IGFL2: variants seen among roughly 807,000 people sequenced by gnomAD.
IGFL2 encodes insulin growth factor-like family member 2.
Under a neutral mutation model 13.9 loss-of-function variants are expected in IGFL2, and 7 were observed. The ratio of observed to expected loss-of-function variants is 0.51; its 90% CI spans 0.29 to 0.95. The LOEUF (loss-of-function observed/expected upper bound fraction) is 0.95, where lower values mean the gene tolerates loss of function less well. Among genes scored for constraint, IGFL2 ranks in the 40% least tolerant of loss-of-function variants. The pLI is 0.08. For synonymous variants in IGFL2, 55 were observed against 55.8 expected, an observed-to-expected ratio of 0.99 and a Z score of 0.07; for missense variants, 138 against 147.8, an observed-to-expected ratio of 0.93 and a Z score of 0.34.
chr19:46,160,689 A>G lies in IGFL2; in HGVS notation c.149A>G (p.Gln50Arg). 2 of 1,614,146 alleles carry G rather than the reference A, an allele frequency of 1.2e-6. No homozygotes were observed. Residue 50 changes from glutamine to arginine, a missense_variant, in exon 3 of 4, where the codon CAG becomes CGG. Physicochemically the swap from Gln to Arg is conservative, Grantham distance 43. Coordinates refer to ENST00000377693, the MANE Select transcript of IGFL2 (RefSeq NM_001135113.2). Reference sequence around the variant, plus strand: ...GACAAGATCTACAACCCCTTGGAGCAGTGCTGTTACAATGACGCCATCGTG... The same window carrying G: ...GACAAGATCTACAACCCCTTGGAGCGGTGCTGTTACAATGACGCCATCGTG... ...CGDKIYNPLEQCCYNDAIVSL... is the reference protein window; with the variant it reads ...CGDKIYNPLERCCYNDAIVSL...
upstream of IGFL2, among the ~76,000 whole-genome samples, chr19:46,144,890 T>G (rs1973037942): frequency 6.6e-6 from 1 of 152,188 alleles, no homozygotes; most frequent in Non-Finnish European, 1.5e-5. Flanking sequence ...ATGTAATTGT[T>G]GAGACCAACT....
chr19:46,200,482 T>TTCTTTTCTTTTCTTC, the IGFL2 span, among the ~76,000 whole-genome samples: 1 of 143,406 alleles, frequency 7.0e-6, no homozygotes, highest in Non-Finnish European at 1.5e-5. Flanking sequence ...CCCTTTTCTT[T>TTCTTTTCTTTTCTTC]TCTTTTCTTT....
chr19:46,095,442 A>G, the IGFL2 span, among the ~76,000 whole-genome samples: 2 of 151,846 alleles, frequency 1.3e-5, no homozygotes, highest in African/African-American at 4.8e-5. Flanking sequence ...TGTCAGATGG[A>G]TAGATTGCAA....
At chr19:46,132,932 A>G in the IGFL2 span, among the ~76,000 whole-genome samples, 1 of 152,066 alleles carries the variant, frequency 6.6e-6, no homozygotes, top group African/African-American at 2.4e-5. Flanking sequence ...CCAAACCACT[A>G]AGGATTAGGA....
chr19:46,197,268 T>A, the IGFL2 span: 1 of 192,846 alleles, frequency 5.2e-6, no homozygotes, highest in African/African-American at 2.3e-5. Context: ...TGACCTCAGA[T>A]AACAGGCTTT....
the IGFL2 span, among the ~76,000 whole-genome samples, chr19:46,183,816 A>C: frequency 6.6e-5 from 10 of 152,230 alleles, no homozygotes; most frequent in African/African-American, 2.4e-4. Context: ...GATTACAAGC[A>C]TGAGCCACCA....
the IGFL2 span, among the ~76,000 whole-genome samples, chr19:46,121,926 A>G: frequency 0.014 from 2,054 of 151,106 alleles, 64 homozygotes; most frequent in Middle Eastern, 0.031. Context: ...ATGAAATTTA[A>G]CTTGGCTTTT....
At chr19:46,153,152 G>C (rs1277128838) in intron 1 of IGFL2, among the ~76,000 whole-genome samples, 1 of 152,126 alleles carries the variant, frequency 6.6e-6, no homozygotes. Flanking sequence ...GTCTTTGTCT[G>C]GTTTCGGTAT....
the IGFL2 span, chr19:46,136,822 T>C: frequency 1.4e-6 from 1 of 697,108 alleles, no homozygotes; most frequent in South Asian, 1.4e-5. Context: ...TGAAATCCAC[T>C]AAAGTCCTGG....
At position 46,148,902 on chromosome 19, in the gene IGFL2, G is replaced by A; in HGVS notation, c.19+605G>A. The A allele has an allele frequency of 3.2e-6, 5 of 1,549,150 alleles. No homozygotes were observed. The South Asian group carries it at 3.6e-5, about 11-fold the overall frequency. ...CAATCTGTTGGGACTGTGATGAGGG[G>A]ATCATCCTGCCCTCGAACCAGACCC... is the stretch of plus-strand genomic sequence containing the variant. On this transcript the variant is annotated intron_variant, in intron 1 of 3. Transcript: ENST00000377693.
chr19:46,093,761 A>C, the IGFL2 span, among the ~76,000 whole-genome samples: 1 of 152,220 alleles, frequency 6.6e-6, no homozygotes, highest in African/African-American at 2.4e-5. Flanking sequence ...TCTATGGCAC[A>C]ATTCAAATTT....
chr19:46,177,632 C>T, the IGFL2 span, among the ~76,000 whole-genome samples: 1 of 152,156 alleles, frequency 6.6e-6, no homozygotes. Flanking sequence ...TCCAGGGACC[C>T]TTCCAAATCC....
At chr19:46,113,687 C>A in the IGFL2 span, 1 of 204,832 alleles carries the variant, frequency 4.9e-6, no homozygotes, top group South Asian at 9.0e-5. Flanking sequence ...CAATAATATT[C>A]CATGCTTGTT....
At chr19:46,195,839 C>T in the IGFL2 span, 28 of 152,258 alleles carry the variant, frequency 1.8e-4, no homozygotes, top group African/African-American at 6.5e-4. Context: ...TGATTCACAT[C>T]TAGAAGGGGA....
At chr19:46,148,840 TG>T (rs745789672) in intron 1 of IGFL2, 38 of 1,493,648 alleles carry the variant, frequency 2.5e-5, no homozygotes, top group Non-Finnish European at 3.3e-5. Flanking sequence ...GGACTGTGGT[TG>T]TGCCAGTTGA....
At chr19:46,212,700 T>G in the IGFL2 span, 1 of 147,526 alleles carries the variant, frequency 6.8e-6, no homozygotes, top group Non-Finnish European at 1.5e-5. Flanking sequence ...ATCAGGAGTT[T>G]TATTCTCCTA....
At chr19:46,119,007 G>A in the IGFL2 span, among the ~76,000 whole-genome samples, 2 of 152,162 alleles carry the variant, frequency 1.3e-5, no homozygotes, top group South Asian at 4.2e-4. Flanking sequence ...TCAACACCCT[G>A]CTATGGGATG....
the IGFL2 span, among the ~76,000 whole-genome samples, chr19:46,132,983 A>T: frequency 1.3e-5 from 2 of 152,108 alleles, no homozygotes; most frequent in Admixed American, 6.6e-5. Flanking sequence ...AAAGTTAGGA[A>T]GTGAAAAGGA....
At chr19:46,106,385 G>C in the IGFL2 span, among the ~76,000 whole-genome samples, 8 of 152,288 alleles carry the variant, frequency 5.3e-5, no homozygotes, top group African/African-American at 1.9e-4. Flanking sequence ...ATGAGAAAGG[G>C]CTTGACTGAA....
Sources: gnomAD v4.1 joint callset for allele counts (sites outside exome capture counted in the v4.1 genomes callset) on GRCh38, gnomAD v4.1.1 for gene constraint, MANE v1.5 for transcripts, NCBI Gene and HGNC (gene_info 2026-07-23, HGNC 2026-07-21) for gene names.